The following TMTC2 variants were observed in gnomAD, a reference collection of about 807,000 sequenced individuals.
TMTC2 encodes the protein protein O-mannosyl-transferase TMTC2.
A neutral mutation model predicts 82.4 loss-of-function variants in TMTC2; 43 were observed. That is an observed-to-expected ratio of 0.52 (90% CI 0.41 to 0.67). The LOEUF is 0.67. Among genes scored for constraint, TMTC2 ranks in the 30% least tolerant of loss-of-function variants. The pLI, the probability that TMTC2 is intolerant of heterozygous loss-of-function variation, is 0.00. For missense variants in TMTC2, 919 were observed against 1,012.4 expected, an observed-to-expected ratio of 0.91 and a Z score of 1.25; for synonymous variants, 408 against 381.9, an observed-to-expected ratio of 1.07 and a Z score of -0.80.
chr12:83,036,532 C>T (rs1386731279), intron 9 of TMTC2, among the ~76,000 whole-genome samples: 1 of 139,798 alleles, frequency 7.2e-6, no homozygotes, highest in East Asian at 2.3e-4. Context: ...AGGAATAGAT[C>T]CTAATTACAT....
At chr12:82,970,290 T>C (rs538396486) in intron 7 of TMTC2, among the ~76,000 whole-genome samples, 10 of 152,372 alleles carry the variant, frequency 6.6e-5, no homozygotes, top group Admixed American at 5.9e-4. Flanking sequence ...ACCTAGTAAG[T>C]GTTTTATAAC....
intron 5 of TMTC2, 139 bp from the exon 6 acceptor site, chr12:82,965,421 A>T (rs1878147874): frequency 1.2e-6 from 1 of 834,588 alleles, no homozygotes; most frequent in Non-Finnish European, 1.8e-6. Context: ...TATTGATCCC[A>T]TGAGTATTTG....
intron 1 of TMTC2, among the ~76,000 whole-genome samples, chr12:82,840,816 G>A (rs1238143475): frequency 6.6e-6 from 1 of 152,176 alleles, no homozygotes; most frequent in African/African-American, 2.4e-5. Context: ...GTCTTGCTCT[G>A]TAGCCCAGGC....
At chr12:83,040,433 G>A (rs1038357100) in intron 9 of TMTC2, among the ~76,000 whole-genome samples, 2 of 152,114 alleles carry the variant, frequency 1.3e-5, no homozygotes, top group Non-Finnish European at 2.9e-5. Flanking sequence ...AGCTCATGGA[G>A]AAGTTAGTAA....
intron 8 of TMTC2, among the ~76,000 whole-genome samples, chr12:82,999,043 A>G (rs926440648): frequency 1.3e-5 from 2 of 152,184 alleles, no homozygotes; most frequent in Admixed American, 6.5e-5. Context: ...ACATAGATAT[A>G]TTGTTATCAA....
At chr12:83,024,377 C>T (rs1035180450) in intron 8 of TMTC2, among the ~76,000 whole-genome samples, 2 of 150,876 alleles carry the variant, frequency 1.3e-5, no homozygotes, top group South Asian at 2.1e-4. Flanking sequence ...TTTCAAACTA[C>T]ACATAAGCTT....
At chr12:83,075,286 G>T (rs962671321) in intron 11 of TMTC2, among the ~76,000 whole-genome samples, 1 of 152,132 alleles carries the variant, frequency 6.6e-6, no homozygotes, top group African/African-American at 2.4e-5. Flanking sequence ...GTCCTCTCAG[G>T]ATTGCTGGAT....
intron 11 of TMTC2, among the ~76,000 whole-genome samples, chr12:83,079,906 A>G (rs1883406906): frequency 6.6e-6 from 1 of 152,156 alleles, no homozygotes; most frequent in African/African-American, 2.4e-5. Flanking sequence ...AATTTTTTAT[A>G]TAGTTCTTTA....
intron 9 of TMTC2, among the ~76,000 whole-genome samples, chr12:83,045,752 C>CACACACACACACACACACACAA (rs3223367): frequency 6.7e-6 from 1 of 149,220 alleles, no homozygotes; most frequent in African/African-American, 2.5e-5. Flanking sequence ...CACACACACA[C>CACACACACACACACACACACAA]CAGGAGTGTC....
chr12:82,780,783 A>AAATGTCATATAGTTTTACGATTG (rs149924700), intron 1 of TMTC2, among the ~76,000 whole-genome samples: 1 of 151,742 alleles, frequency 6.6e-6, no homozygotes, highest in African/African-American at 2.4e-5. Context: ...ATTTAAATAA[A>AAATGTCATATAGTTTTACGATTG]ATTTCTCAAC....
intron 11 of TMTC2, among the ~76,000 whole-genome samples, chr12:83,065,216 C>T (rs1308135745): frequency 6.6e-6 from 1 of 151,848 alleles, no homozygotes; most frequent in Non-Finnish European, 1.5e-5. Flanking sequence ...AATACCTATT[C>T]CATTTCTTCA....
At chr12:82,926,784 A>G (rs1174745979) in intron 3 of TMTC2, among the ~76,000 whole-genome samples, 13 of 152,194 alleles carry the variant, frequency 8.5e-5, no homozygotes, top group African/African-American at 2.9e-4. Flanking sequence ...CTTAAGAATA[A>G]TGCTAAATCT....
chr12:82,998,240 G>A (rs1262145912), intron 8 of TMTC2, among the ~76,000 whole-genome samples: 1 of 152,020 alleles, frequency 6.6e-6, no homozygotes, highest in South Asian at 2.1e-4. Context: ...ATGGGTGGAC[G>A]GAGATAATAG....
intron 1 of TMTC2, among the ~76,000 whole-genome samples, chr12:82,818,091 C>G (rs1302768683): frequency 6.6e-6 from 1 of 152,094 alleles, no homozygotes; most frequent in African/African-American, 2.4e-5. Context: ...TATATCTCAT[C>G]TTTTCTACAT....
At chr12:83,042,604 C>T (rs1329523190) in intron 9 of TMTC2, among the ~76,000 whole-genome samples, 1 of 152,158 alleles carries the variant, frequency 6.6e-6, no homozygotes. Flanking sequence ...TATAGCTTCT[C>T]GCCTCCTCCC....
chr12:83,036,158 A>G (rs1434000533), intron 9 of TMTC2, among the ~76,000 whole-genome samples: 1 of 152,144 alleles, frequency 6.6e-6, no homozygotes, highest in Non-Finnish European at 1.5e-5. Flanking sequence ...CTGTGTAGTG[A>G]TGAGTCCTAA....
intron 4 of TMTC2, among the ~76,000 whole-genome samples, chr12:82,938,263 AG>A (rs887865439): frequency 6.6e-6 from 1 of 152,032 alleles, no homozygotes; most frequent in African/African-American, 2.4e-5. Context: ...TTGAAAATTC[AG>A]GGCCAGGTTT....
At chr12:82,890,832 G>A (rs1412412017) in intron 2 of TMTC2, among the ~76,000 whole-genome samples, 1 of 152,134 alleles carries the variant, frequency 6.6e-6, no homozygotes, top group Non-Finnish European at 1.5e-5. Flanking sequence ...AAGAGTGCCT[G>A]CAACCTTAAT....
intron 1 of TMTC2, among the ~76,000 whole-genome samples, chr12:82,843,244 G>A (rs1314878265): frequency 7.9e-5 from 12 of 151,830 alleles, no homozygotes; most frequent in African/African-American, 2.7e-4. Context: ...CCGCCACCAC[G>A]CCCAGCTAAT....
Sources: allele counts gnomAD v4.1 joint callset (sites outside exome capture counted in the v4.1 genomes callset), GRCh38; gene constraint gnomAD v4.1.1; transcripts MANE v1.5; gene names NCBI Gene and HGNC (gene_info 2026-07-23, HGNC 2026-07-21).